CAPN2: variants seen among roughly 807,000 people sequenced by gnomAD.
CAPN2 encodes the protein calpain-2 catalytic subunit.
CAPN2 carries 92 observed loss-of-function variants against 102.3 expected under a neutral mutation model. That is an observed-to-expected ratio of 0.90 (90% CI 0.76 to 1.07). CAPN2 has a LOEUF of 1.07. Among genes scored for constraint, CAPN2 ranks in the 50% least tolerant of loss-of-function variants. The probability of loss-of-function intolerance (pLI) is 0.00; values close to 1 mark genes in which losing one functional copy is unlikely to be tolerated. For missense variants in CAPN2, 800 were observed against 909.4 expected (o/e 0.88, Z 1.55); for synonymous variants, 340 against 355.4 (o/e 0.96, Z 0.49).
At chr1:223,763,270 G>A (rs1284719841) in intron 14 of CAPN2, among the ~76,000 whole-genome samples, 1 of 151,368 alleles carries the variant, frequency 6.6e-6, no homozygotes, top group Non-Finnish European at 1.5e-5. Context: ...AGCTCATCTG[G>A]TACTCCCTTC....
At chr1:223,716,630 G>A (rs1236782705) in intron 1 of CAPN2, among the ~76,000 whole-genome samples, 1 of 151,816 alleles carries the variant, frequency 6.6e-6, no homozygotes, top group African/African-American at 2.4e-5. Context: ...TGGGCATGCC[G>A]AGGGCCGTTG....
chr1:223,716,756 G>A (rs1191611875), intron 1 of CAPN2, among the ~76,000 whole-genome samples: 1 of 151,964 alleles, frequency 6.6e-6, no homozygotes, highest in Non-Finnish European at 1.5e-5. Context: ...TGGCTTTTGG[G>A]TGGGGCTCTT....
chr1:223,705,223 C>G (rs12758509), intron 1 of CAPN2, among the ~76,000 whole-genome samples: 5,450 of 152,288 alleles, frequency 0.036, 159 homozygotes, highest in Non-Finnish European at 0.056. Context: ...AACAAAGAGG[C>G]AAGACAGAGC....
chr1:223,756,433 G>A lies in CAPN2; in HGVS notation c.1305+784G>A, dbSNP rs1661039128. Among the ~76,000 whole-genome samples the A allele has an allele frequency of 6.6e-6, 1 of 152,192 alleles. No individual in the cohort carries two copies. The highest frequency in any genetic ancestry group is 1.5e-5 in the Non-Finnish European group (1 of 68,040). ...GAGCTGGCTCCTCCCGGCTCCCAAA[G>A]CCCATCTCTTTTCTCTGACCCATGT... is the stretch of plus-strand genomic sequence containing the variant. On this transcript the variant is annotated intron_variant, in intron 10 of 20. Transcript: ENST00000295006. The surrounding 1 kb of genome is among the most constrained non-coding windows in gnomAD (Gnocchi z 4.1).
chr1:223,775,219 A>G lies in CAPN2; in HGVS notation c.*362A>G, dbSNP rs1330702642. ...AGGTATTTAACAGCTGAGCAAAAAC[A>G]TTGAGTCGCTCTCAAAGGACACGAG... On this transcript the variant is annotated 3_prime_UTR_variant, in exon 21 of 21. Transcript: ENST00000295006. 2.0e-5 allele frequency: 4 copies of G among 204,396 alleles called. No homozygotes were observed. The highest frequency in any genetic ancestry group is 1.3e-4 in the South Asian group (1 of 7,596). The allele number at this position is 204,396 out of a possible 1,614,324, so 12.7% of individuals were successfully genotyped here.
At chr1:223,709,661 C>CAAAAAAAAAAAAAAAAAAAAA (rs779362608), upstream of CAPN2, among the ~76,000 whole-genome samples, 51 of 137,790 alleles carry the variant, frequency 3.7e-4, no homozygotes, top group African/African-American at 1.3e-3. Flanking sequence ...AACTCCATCT[C>CAAAAAAAAAAAAAAAAAAAAA]AAAAAAAAAA....
chr1:223,772,442 A>C (rs1009010569), intron 20 of CAPN2: 8 of 541,712 alleles, frequency 1.5e-5, no homozygotes, highest in Admixed American at 9.6e-5. Context: ...CAAGTCCAAA[A>C]TGCACGCCTG....
intron 2 of CAPN2, among the ~76,000 whole-genome samples, chr1:223,728,698 C>A (rs999191886): frequency 6.6e-6 from 1 of 152,162 alleles, no homozygotes; most frequent in African/African-American, 2.4e-5. Flanking sequence ...GCTGCTTGGA[C>A]ATTAGCTCTT....
At chr1:223,758,557 TTAGA>T (rs1661096670) in intron 11 of CAPN2, 2 of 152,514 alleles carry the variant, frequency 1.3e-5, no homozygotes, top group South Asian at 4.1e-4. Context: ...TGAGAGTCTC[TTAGA>T]GGAAGGCTGG....
At chr1:223,742,060 T>A (rs1056903845) in intron 2 of CAPN2, among the ~76,000 whole-genome samples, 2 of 152,178 alleles carry the variant, frequency 1.3e-5, no homozygotes, top group African/African-American at 4.8e-5. Context: ...GGTCAGGAAC[T>A]CTCAGGATGC....
Position 223,722,803 on chromosome 1 carries a change from A to G in CAPN2, c.307+4972A>G, listed in dbSNP as rs1052848693. Among the ~76,000 whole-genome samples, 5 of 152,150 alleles carry G rather than the reference A, an allele frequency of 3.3e-5. No homozygotes were observed. In the South Asian group the frequency reaches 1.0e-3, roughly 32 times the overall value. ...TATAATGAATCAGCATTGATGCAGT[A>G]TTATTAAAGTCCATGCTTTATGCAG... On this transcript the variant is annotated intron_variant, in intron 2 of 20. Transcript: ENST00000295006.
chr1:223,728,233 C>T (rs1340411990), intron 2 of CAPN2, among the ~76,000 whole-genome samples: 5 of 152,146 alleles, frequency 3.3e-5, no homozygotes, highest in Admixed American at 6.5e-5. Context: ...AACTCTCTCC[C>T]GCTCTCTCAA....
rs369940090 is a variant in CAPN2 at position 223,715,692 on chromosome 1, C to T, written c.238-2070C>T. Among the ~76,000 whole-genome samples the T allele has an allele frequency of 9.2e-5, 14 of 152,162 alleles. No individual in the cohort carries two copies. The East Asian group carries it at 2.3e-3, about 25-fold the overall frequency. On this transcript the variant is annotated intron_variant, in intron 1 of 20. Transcript: ENST00000295006. ...ATCCGGGTGGCACATCAGATCCTTCCAGCAACCAGTCTGTTAGGAGCAAGG... is the reference window on the plus strand; with the variant it reads ...ATCCGGGTGGCACATCAGATCCTTCTAGCAACCAGTCTGTTAGGAGCAAGG...
Position 223,755,729 on chromosome 1 carries a change from A to G in CAPN2, c.1305+80A>G. Reference sequence around the variant, plus strand: ...TGCATGGAAAGCTGACCCCAGAGGCAGAACTGGGGATGGGATCCCAGACCG... The same window carrying G: ...TGCATGGAAAGCTGACCCCAGAGGCGGAACTGGGGATGGGATCCCAGACCG... On this transcript the variant is annotated intron_variant, in intron 10 of 20. Coordinates refer to ENST00000295006, the MANE Select transcript of CAPN2 (RefSeq NM_001748.5). The surrounding 1 kb of genome is among the most constrained non-coding windows in gnomAD (Gnocchi z 4.1). 7.5e-7 allele frequency: 1 copy of G among 1,338,704 alleles called. No homozygotes were observed. The highest frequency in any genetic ancestry group is 1.5e-5 in the South Asian group (1 of 66,332). 82.9% of individuals were successfully genotyped at this position (1,338,704 alleles called of 1,614,324 possible). A position where few individuals can be genotyped will look rare whatever the true frequency, so the allele number is the denominator to read the frequency against.
chr1:223,709,557 G>A (rs1013071556), upstream of CAPN2, among the ~76,000 whole-genome samples: 5 of 152,022 alleles, frequency 3.3e-5, no homozygotes, highest in African/African-American at 7.3e-5. Context: ...CTACTCGGGA[G>A]GCTGAGATAG....
At chr1:223,716,263 G>C (rs1659871911) in intron 1 of CAPN2, among the ~76,000 whole-genome samples, 1 of 152,218 alleles carries the variant, frequency 6.6e-6, no homozygotes. Flanking sequence ...GCATTAGAAA[G>C]TTTCTGAAGT....
At chr1:223,767,090 C>A (rs1030893948) in intron 16 of CAPN2, among the ~76,000 whole-genome samples, 9 of 152,286 alleles carry the variant, frequency 5.9e-5, no homozygotes, top group African/African-American at 2.2e-4. Flanking sequence ...TGATGTGTTT[C>A]CATTACTTCC....
chr1:223,722,835 T>C (rs1660093016), intron 2 of CAPN2, among the ~76,000 whole-genome samples: 1 of 152,196 alleles, frequency 6.6e-6, no homozygotes, highest in African/African-American at 2.4e-5. Context: ...GCAGATTCTC[T>C]TAGTTTTCCC....
chr1:223,716,988 G>T (rs1659891945), intron 1 of CAPN2, among the ~76,000 whole-genome samples: 1 of 152,106 alleles, frequency 6.6e-6, no homozygotes, highest in South Asian at 2.1e-4. Flanking sequence ...GTTAACTTTG[G>T]ACACGTCACT....
Sources: gnomAD v4.1 joint callset for allele counts (sites outside exome capture counted in the v4.1 genomes callset) on GRCh38, gnomAD v4.1.1 for gene constraint, Gnocchi (gnomAD v3.1) non-coding constraint, MANE v1.5 for transcripts, NCBI Gene and HGNC (gene_info 2026-07-23, HGNC 2026-07-21) for gene names.